The following OXA1L variants were observed in gnomAD, a reference collection of about 807,000 sequenced individuals.
The protein encoded by OXA1L is mitochondrial inner membrane protein OXA1L.
A neutral mutation model predicts 52.2 loss-of-function variants in OXA1L; 42 were observed. The observed-to-expected ratio is 0.80, with a 90% CI of 0.63 to 1.04. The LOEUF (loss-of-function observed/expected upper bound fraction) is 1.04, where lower values mean the gene tolerates loss of function less well. OXA1L is among the 50% of genes least tolerant of loss of function. OXA1L has a pLI of 0.00. For missense variants in OXA1L, 572 were observed against 555.0 expected (o/e 1.03, Z -0.31); for synonymous variants, 239 against 201.9 (o/e 1.18, Z -1.56).
chr14:22,771,418 T>G lies in OXA1L; in HGVS notation c.1184-16T>G. The G allele has an allele frequency of 6.2e-7, 1 of 1,614,048 alleles. No individual in the cohort carries two copies. ...TTCTGTTCTTCGTTGAAATTTGTTT[T>G]CTCTTCTCCCCTCAGGTCCTTTACG... On this transcript the variant is annotated splice_polypyrimidine_tract_variant and intron_variant, in intron 9 of 9. Coordinates refer to ENST00000612549, the MANE Select transcript of OXA1L (RefSeq NM_005015.5).
intron 2 of OXA1L, 175 bp downstream of exon 2, chr14:22,767,584 G>A (rs967005153): frequency 1.7e-6 from 1 of 578,982 alleles, no homozygotes; most frequent in South Asian, 2.4e-5. Context: ...GTGGGGAAAT[G>A]ATTGAAAGTA....
Position 22,771,265 on chromosome 14 carries a change from C to T in OXA1L, c.1103-3C>T. ...ACTGACTCTCTTGCTTCTCTTTACACAGGCTGGAAAAATGCTGAAATGACG... is the reference window on the plus strand; with the variant it reads ...ACTGACTCTCTTGCTTCTCTTTACATAGGCTGGAAAAATGCTGAAATGACG... On this transcript the variant is annotated splice_polypyrimidine_tract_variant and splice_region_variant and intron_variant, in intron 8 of 9. Transcript: ENST00000612549. 1 of 1,613,982 alleles carries T rather than the reference C, an allele frequency of 6.2e-7. No individual in the cohort carries two copies. Among genetic ancestry groups the T allele is most frequent in the Non-Finnish European group, 8.5e-7 (1 of 1,179,864 alleles).
chr14:22,771,060 G>A lies in OXA1L; in HGVS notation c.982G>A (p.Val328Ile). 6.2e-6 allele frequency: 10 copies of A among 1,614,102 alleles called. No homozygotes were observed. The highest frequency in any genetic ancestry group is 8.5e-6 in the Non-Finnish European group (10 of 1,180,024). ...GCTCTCCTCCAATTTGTTTTCCCTG[G>A]TCCAAGTATCCTGTCTCCGGATTCC... ...YWLSSNLFSL[V>I]QVSCLRIPAV... Residue 328 changes from valine (V) to isoleucine (I), a missense_variant, in exon 8 of 10, where the codon GTC becomes ATC. Physicochemically the swap from Val to Ile is conservative, Grantham distance 29. Around this residue, in one of 5 missense-constraint regions of OXA1L, gnomAD observed 244 missense variants for 240.2 expected, o/e 1.02. Coordinates refer to ENST00000612549, the MANE Select transcript of OXA1L (RefSeq NM_005015.5).
Position 22,771,254 on chromosome 14 carries a change from T to C in OXA1L, c.1103-14T>C. On this transcript the variant is annotated splice_polypyrimidine_tract_variant and intron_variant, in intron 8 of 9. Transcript: ENST00000612549. ...ATAGGAATGCAACTGACTCTCTTGC[T>C]TCTCTTTACACAGGCTGGAAAAATG... 1.2e-5 allele frequency: 19 copies of C among 1,613,794 alleles called. No individual in the cohort carries two copies. Among genetic ancestry groups the C allele is most frequent in the Non-Finnish European group, 1.5e-5 (18 of 1,179,708 alleles).
In OXA1L at chr14:22,770,854, A is replaced by G. The variant is rs754233702; in HGVS notation, c.884A>G (p.Asn295Ser). ...VQSSDLQWMR[N>S]VIRMMPLITL... ...AGTTCTGACCTTCAGTGGATGAGAA[A>G]TGTCATCAGAATGATGCCCCTGATA... is the stretch of plus-strand genomic sequence containing the variant. Residue 295 changes from asparagine to serine, a missense_variant, in exon 7 of 10, where the codon AAT becomes AGT. Asn to Ser is a conservative substitution (Grantham distance 46, BLOSUM62 1). Around this residue, in one of 5 missense-constraint regions of OXA1L, gnomAD observed 244 missense variants for 240.2 expected, o/e 1.02. Coordinates refer to ENST00000612549, the MANE Select transcript of OXA1L (RefSeq NM_005015.5). 1.9e-6 allele frequency: 3 copies of G among 1,614,196 alleles called. No homozygotes were observed. Among genetic ancestry groups the G allele is most frequent in the African/African-American group, 1.3e-5 (1 of 75,046 alleles).
chr14:22,766,855 G>T (rs2038409326), intron 1 of OXA1L, 91 bp downstream of exon 1: 5 of 1,574,352 alleles, frequency 3.2e-6, no homozygotes, highest in Non-Finnish European at 4.3e-6. Flanking sequence ...ATCAGCAGAC[G>T]CTGACCTGCT....
At chr14:22,766,932 T>C in intron 1 of OXA1L, 168 bp downstream of exon 1, 1 of 1,513,282 alleles carries the variant, frequency 6.6e-7, no homozygotes. Flanking sequence ...CCCGACACTA[T>C]GGGCCCAGCA....
rs2139375452 is a variant in OXA1L, at chr14:22,770,557, C to A, written c.766C>A (p.Leu256Ile). Residue 256 changes from leucine (L) to isoleucine (I), a missense_variant, in exon 6 of 10, where the codon CTC (leucine) becomes ATC (isoleucine). By Grantham distance (5) the Leu-to-Ile change is conservative (BLOSUM62 2). Around this residue, in one of 5 missense-constraint regions of OXA1L, gnomAD observed 244 missense variants for 240.2 expected, o/e 1.02. Coordinates refer to ENST00000612549, the MANE Select transcript of OXA1L (RefSeq NM_005015.5). ...AGGTGGCCTCTGGTGGTTCCAGGAT[C>A]TCACGGTATCCGATCCCATCTACAT... ...QTGGLWWFQD[L>I]TVSDPIYILP... 6.2e-7 allele frequency: 1 copy of A among 1,614,188 alleles called. No individual in the cohort carries two copies. The highest frequency in any genetic ancestry group is 8.5e-7 in the Non-Finnish European group (1 of 1,180,002).
At position 22,767,288 on chromosome 14, in the gene OXA1L, C is replaced by T. The variant is rs1412031077; in HGVS notation, c.104C>T (p.Pro35Leu). ...VAGPSQWLGK[P>L]LTTRLLFPAA... Reference sequence around the variant, plus strand: ...GGGCCCTCGCAATGGCTTGGGAAACCGCTGACCACACGGCTCCTATTCCCA... The same window carrying T: ...GGGCCCTCGCAATGGCTTGGGAAACTGCTGACCACACGGCTCCTATTCCCA... The change falls in exon 2 of 10, where the codon CCG becomes CTG. Residue 35 changes from proline to leucine, a missense_variant. By Grantham distance (98) the Pro-to-Leu change is moderately conservative (BLOSUM62 -3). Coordinates refer to ENST00000612549, the MANE Select transcript of OXA1L (RefSeq NM_005015.5). The T allele has an allele frequency of 7.4e-6, 12 of 1,613,046 alleles. No individual in the cohort carries two copies. In the African/African-American group the frequency reaches 9.3e-5, roughly 13 times the overall value.
Position 22,771,007 on chromosome 14 carries a change from T to C in OXA1L, c.940-11T>C. 1 of 1,614,216 alleles carries C rather than the reference T, an allele frequency of 6.2e-7. No individual in the cohort carries two copies. The stretch of plus-strand genomic sequence containing the variant: ...ACAGCTTCTGAGTCCCTTCTCTGTG[T>C]TCTCACCCAGGCAGTGTTTATGTAC... On this transcript the variant is annotated splice_polypyrimidine_tract_variant and intron_variant, in intron 7 of 9. Coordinates refer to ENST00000612549, the MANE Select transcript of OXA1L (RefSeq NM_005015.5).
In OXA1L at chr14:22,767,456, T is replaced by A. The variant is rs202218643; in HGVS notation, c.225+47T>A. 8.7e-5 allele frequency: 134 copies of A among 1,532,772 alleles called. 1 individual carries two copies. The East Asian group carries it at 3.0e-3, about 34-fold the overall frequency. The allele number at this position is 1,532,772 out of a possible 1,614,324, so 94.9% of individuals were successfully genotyped here. Reference sequence around the variant, plus strand: ...CAATATTAGGAGTGGTGTTTCCTGGTTGGTTTCATATTTTGTTTTGTTTGG... The same window carrying A: ...CAATATTAGGAGTGGTGTTTCCTGGATGGTTTCATATTTTGTTTTGTTTGG... On this transcript the variant is annotated intron_variant, in intron 2 of 9. Transcript: ENST00000612549.
chr14:22,771,216 A>T (rs1291016082), intron 8 of OXA1L, 36 bp downstream of exon 8: 4 of 1,612,894 alleles, frequency 2.5e-6, no homozygotes, highest in Non-Finnish European at 3.4e-6. Context: ...GGACTAGGGA[A>T]AGGGGTCTAA....
chr14:22,767,181 C>A, intron 1 of OXA1L, 67 bp from the exon 2 acceptor site: 1 of 1,561,022 alleles, frequency 6.4e-7, no homozygotes, highest in East Asian at 2.3e-5. Context: ...ATAATGAATC[C>A]CGTTTGCACC....
Position 22,770,787 on chromosome 14 carries a change from C to T in OXA1L, c.835-18C>T. On this transcript the variant is annotated intron_variant, in intron 6 of 9. Transcript: ENST00000612549. The stretch of plus-strand genomic sequence containing the variant: ...ACTGACAGCTTTCCCGACTTTTCCA[C>T]CCCACTTCTTTTGGCAGCTAGGTGC... 1.2e-6 allele frequency: 2 copies of T among 1,608,930 alleles called. No homozygotes were observed. The highest frequency in any genetic ancestry group is 1.7e-6 in the Non-Finnish European group (2 of 1,175,272).
chr14:22,767,624 T>A, intron 2 of OXA1L: 1 of 532,568 alleles, frequency 1.9e-6, no homozygotes. Flanking sequence ...TTTGGTTTTC[T>A]GAGCTGTTTT....
At position 22,771,710 on chromosome 14, in the gene OXA1L, A is replaced by C; in HGVS notation, c.*152A>C. ...AACGGATTTCATGAAACACTCTTGTACTTATGTTTATAAGAGAGCACTGGG... is the reference window on the plus strand; with the variant it reads ...AACGGATTTCATGAAACACTCTTGTCCTTATGTTTATAAGAGAGCACTGGG... On this transcript the variant is annotated 3_prime_UTR_variant, in exon 10 of 10. Coordinates refer to ENST00000612549, the MANE Select transcript of OXA1L (RefSeq NM_005015.5). 1.2e-6 allele frequency: 1 copy of C among 812,952 alleles called. No individual in the cohort carries two copies. Among genetic ancestry groups the C allele is most frequent in the Non-Finnish European group, 2.0e-6 (1 of 501,384 alleles). 50.4% of individuals were successfully genotyped at this position (812,952 alleles called of 1,614,324 possible).
rs114575338 is a variant in OXA1L, at chr14:22,770,607, A to C, written c.816A>C (p.Thr272=). ...IYILPLAVTA[T]MWAVLELGAE... ...TATTACCACTGGCAGTCACTGCTAC[A>C]ATGTGGGCTGTTCTTGAGGTAAGCC... is the stretch of plus-strand genomic sequence containing the variant. Residue 272 remains threonine, a synonymous_variant, in exon 6 of 10, where the codon ACA becomes ACC. Transcript: ENST00000612549. The C allele has an allele frequency of 1.9e-6, 3 of 1,612,454 alleles. No individual in the cohort carries two copies. The highest frequency in any genetic ancestry group is 3.3e-5 in the Admixed American group (2 of 60,000).
intron 1 of OXA1L, 95 bp from the exon 2 acceptor site, chr14:22,767,153 G>T: frequency 6.5e-7 from 1 of 1,541,960 alleles, no homozygotes. Flanking sequence ...CGAGCTGCCT[G>T]CTTCTTGGGG....
At chr14:22,767,440 G>A in intron 2 of OXA1L, 31 bp downstream of exon 2, 1 of 1,564,812 alleles carries the variant, frequency 6.4e-7, no homozygotes, top group Non-Finnish European at 8.6e-7. Context: ...GCAATATTAG[G>A]AGTGGTGTTT....
Sources: gnomAD v4.1 joint callset for allele counts on GRCh38, gnomAD v4.1.1 for gene constraint, gnomAD v4.1.1 regional missense constraint, MANE v1.5 for transcripts, NCBI Gene and HGNC (gene_info 2026-07-23, HGNC 2026-07-21) for gene names.